The following LINGO2 variants were observed in gnomAD, a reference collection of about 807,000 sequenced individuals.
The protein encoded by LINGO2 is leucine-rich repeat and immunoglobulin-like domain-containing nogo receptor-interacting protein 2.
Under a neutral mutation model 30.6 loss-of-function variants are expected in LINGO2, and 14 were observed. The observed-to-expected ratio is 0.46, with a 90% confidence interval of 0.30 to 0.72. LINGO2 has a LOEUF of 0.72. Among genes scored for constraint, LINGO2 ranks in the 30% least tolerant of loss-of-function variants. LINGO2 has a pLI of 0.07. For missense variants in LINGO2, 729 were observed against 751.7 expected (o/e 0.97, Z 0.35); for synonymous variants, 317 against 288.5 (o/e 1.10, Z -1.00).
At chr9:28,984,604 C>A in the LINGO2 span, among the ~76,000 whole-genome samples, 2 of 151,918 alleles carry the variant, frequency 1.3e-5, no homozygotes, top group Non-Finnish European at 2.9e-5. Flanking sequence ...AAATGAATGA[C>A]AGATACTTTT....
At chr9:28,506,503 G>T (rs375342427) in intron 1 of LINGO2, among the ~76,000 whole-genome samples, 20,262 of 81,860 alleles carry the variant, frequency 0.25, 5,639 homozygotes, top group Middle Eastern at 0.36. Context: ...CACACACACA[G>T]ACATATATAT....
At chr9:29,020,359 A>G in the LINGO2 span, among the ~76,000 whole-genome samples, 1 of 152,186 alleles carries the variant, frequency 6.6e-6, no homozygotes, top group Non-Finnish European at 1.5e-5. Context: ...TATCAACCAC[A>G]CAGACACAAA....
chr9:28,711,261 G>T, the LINGO2 span, among the ~76,000 whole-genome samples: 7 of 151,912 alleles, frequency 4.6e-5, no homozygotes, highest in African/African-American at 1.7e-4. Flanking sequence ...ATATTTTAGG[G>T]CTAACCCTAC....
At chr9:29,111,247 T>C in the LINGO2 span, among the ~76,000 whole-genome samples, 1 of 152,172 alleles carries the variant, frequency 6.6e-6, no homozygotes, top group Non-Finnish European at 1.5e-5. Flanking sequence ...AGTATGTATG[T>C]CAATCACTGT....
the LINGO2 span, among the ~76,000 whole-genome samples, chr9:29,194,227 A>C: frequency 6.6e-6 from 1 of 152,160 alleles, no homozygotes; most frequent in African/African-American, 2.4e-5. Context: ...TGGGGCATCC[A>C]AGTCATGCAC....
chr9:28,258,763 A>T (rs1822465354), intron 4 of LINGO2, among the ~76,000 whole-genome samples: 1 of 151,904 alleles, frequency 6.6e-6, no homozygotes, highest in African/African-American at 2.4e-5. Context: ...TACCCTTCTT[A>T]TCTGTGAGTT....
At position 28,643,629 on chromosome 9, in the gene LINGO2, A is replaced by G. The variant is rs58890036; in HGVS notation, c.-365+26571T>C. Among the ~76,000 whole-genome samples, 273 of 152,204 alleles carry G rather than the reference A, an allele frequency of 1.8e-3. 1 individual carries two copies. Among genetic ancestry groups the G allele is most frequent in the African/African-American group, 6.3e-3 (263 of 41,568 alleles). On this transcript the variant is annotated intron_variant, in intron 1 of 5. Transcript: ENST00000379992. ...ACCTAGGATATTGGTCTGGGCAAACATTTCTTCAGGAATACTCACAAGCAC... is the reference window on the plus strand; with the variant it reads ...ACCTAGGATATTGGTCTGGGCAAACGTTTCTTCAGGAATACTCACAAGCAC...
At chr9:29,015,703 T>C in the LINGO2 span, among the ~76,000 whole-genome samples, 4 of 152,080 alleles carry the variant, frequency 2.6e-5, no homozygotes, top group Non-Finnish European at 5.9e-5. Flanking sequence ...AAGGTCTGCT[T>C]CCTCTTCTAT....
At chr9:29,160,886 A>G in the LINGO2 span, among the ~76,000 whole-genome samples, 3 of 152,214 alleles carry the variant, frequency 2.0e-5, no homozygotes, top group African/African-American at 7.2e-5. Context: ...CTTGTTATAT[A>G]ACCTGTTTGT....
At chr9:28,627,921 A>G in intron 1 of LINGO2, among the ~76,000 whole-genome samples, 1 of 152,050 alleles carries the variant, frequency 6.6e-6, no homozygotes, top group East Asian at 1.9e-4. Context: ...TTGGAGAGCT[A>G]TATTTTAAAT....
At chr9:29,187,961 T>G in the LINGO2 span, among the ~76,000 whole-genome samples, 1 of 151,252 alleles carries the variant, frequency 6.6e-6, no homozygotes, top group South Asian at 2.1e-4. Flanking sequence ...CTATTTTCTT[T>G]TTTTTTTCCA....
chr9:28,425,290 G>T, intron 2 of LINGO2, among the ~76,000 whole-genome samples: 1 of 145,874 alleles, frequency 6.9e-6, no homozygotes, highest in African/African-American at 2.5e-5. Context: ...GTGTGTATAT[G>T]TATATATACA....
intron 2 of LINGO2, among the ~76,000 whole-genome samples, chr9:28,373,259 T>G (rs1331875): frequency 0.78 from 119,172 of 152,018 alleles, 47,938 homozygotes; most frequent in Middle Eastern, 0.9. Context: ...TCAGGCAAGA[T>G]TATTTTAAGG....
At chr9:28,327,931 GA>G (rs1200081595) in intron 3 of LINGO2, among the ~76,000 whole-genome samples, 1 of 151,494 alleles carries the variant, frequency 6.6e-6, no homozygotes, top group African/African-American at 2.4e-5. Context: ...AGGAAGGAAA[GA>G]AAAAAAATAA....
intron 1 of LINGO2, 127 bp downstream of exon 3, chr9:28,670,073 T>C (rs931816395): frequency 6.6e-6 from 1 of 152,068 alleles, no homozygotes; most frequent in African/African-American, 2.4e-5. Flanking sequence ...AATATTTGAT[T>C]AAATTAATTA....
rs141135917 is a variant in LINGO2, at chr9:28,309,176, G to C, written c.-245-13810C>G. On this transcript the variant is annotated intron_variant, in intron 3 of 5. Coordinates refer to ENST00000379992, the Ensembl canonical transcript of LINGO2. ...TATTCACAATAGCAAAGAGTTGGAAGCAACCCAAATGTCCAACGAAGATAG... is the reference window on the plus strand; with the variant it reads ...TATTCACAATAGCAAAGAGTTGGAACCAACCCAAATGTCCAACGAAGATAG... 0.015 allele frequency among the ~76,000 whole-genome samples: 2,246 copies of C among 151,972 alleles called. 116 individuals are homozygous for C. In the East Asian group the frequency reaches 0.18, roughly 12 times the overall value.
At chr9:28,989,713 A>G in the LINGO2 span, among the ~76,000 whole-genome samples, 1 of 152,188 alleles carries the variant, frequency 6.6e-6, no homozygotes, top group Non-Finnish European at 1.5e-5. Flanking sequence ...TTACCAAAAT[A>G]CACTGCCTCT....
rs112866351 is a variant in LINGO2 at position 28,192,516 on chromosome 9, C to T, written c.-87+102692G>A. ...TTCTTTCCTATTCCTTGGTGGCCTCCTCTCCTTTCTTTGTGTGTCTCTGAT... is the reference window on the plus strand; with the variant it reads ...TTCTTTCCTATTCCTTGGTGGCCTCTTCTCCTTTCTTTGTGTGTCTCTGAT... On this transcript the variant is annotated intron_variant, in intron 4 of 5. Transcript: ENST00000379992. 4.3e-3 allele frequency among the ~76,000 whole-genome samples: 659 copies of T among 152,140 alleles called. 3 individuals are homozygous for T. The highest frequency in any genetic ancestry group is 0.015 in the African/African-American group (635 of 41,514).
the LINGO2 span, among the ~76,000 whole-genome samples, chr9:28,797,355 T>TAGAGAGAGAGAGAGAGAGAGAGAGAG: frequency 1.7e-5 from 1 of 59,296 alleles, no homozygotes. Context: ...TATATATATA[T>TAGAGAGAGAGAGAGAGAGAGAGAGAG]ATATAGAGAG....
Sources: allele counts gnomAD v4.1 joint callset (sites outside exome capture counted in the v4.1 genomes callset), GRCh38; gene constraint gnomAD v4.1.1; transcripts MANE v1.5; gene names NCBI Gene and HGNC (gene_info 2026-07-23, HGNC 2026-07-21).